SPAG16: variants seen among roughly 807,000 people sequenced by gnomAD.
SPAG16 encodes sperm-associated antigen 16 protein.
Under a neutral mutation model 80.4 loss-of-function variants are expected in SPAG16, and 86 were observed. That is an observed-to-expected ratio of 1.07 (90% CI 0.90 to 1.28). The LOEUF is 1.28. SPAG16 is among the 50% of genes most tolerant of loss of function. The pLI is 0.00. For missense variants in SPAG16, 870 were observed against 765.3 expected (o/e 1.14, Z -1.61); for synonymous variants, 294 against 265.9 (o/e 1.11, Z -1.03).
At chr2:213,727,192 C>A (rs1243860130) in intron 10 of SPAG16, among the ~76,000 whole-genome samples, 3 of 152,110 alleles carry the variant, frequency 2.0e-5, no homozygotes, top group African/African-American at 7.2e-5. Flanking sequence ...GTTTTCTAGA[C>A]AATTGCCTTT....
intron 5 of SPAG16, among the ~76,000 whole-genome samples, chr2:213,333,791 A>G (rs1031237571): frequency 1.3e-5 from 2 of 152,154 alleles, no homozygotes; most frequent in Admixed American, 6.6e-5. Context: ...GGAAAACTGG[A>G]TATCTATATG....
intron 15 of SPAG16, among the ~76,000 whole-genome samples, chr2:214,186,870 C>G (rs1222610241): frequency 6.6e-6 from 1 of 152,086 alleles, no homozygotes. Flanking sequence ...AGCAATTGTC[C>G]TGCCTCAGCC....
At chr2:213,950,252 T>C (rs1477169402) in intron 12 of SPAG16, among the ~76,000 whole-genome samples, 1 of 152,212 alleles carries the variant, frequency 6.6e-6, no homozygotes, top group Non-Finnish European at 1.5e-5. Flanking sequence ...CAGCAGTCTT[T>C]GCAAATGTAT....
intron 9 of SPAG16, among the ~76,000 whole-genome samples, chr2:213,392,006 G>A (rs2067778449): frequency 6.6e-6 from 1 of 152,124 alleles, no homozygotes; most frequent in Admixed American, 6.5e-5. Flanking sequence ...AGTTTCTTTA[G>A]GGCTATTCTA....
intron 5 of SPAG16, among the ~76,000 whole-genome samples, chr2:213,318,439 G>T (rs571430431): frequency 1.3e-5 from 2 of 152,000 alleles, no homozygotes; most frequent in East Asian, 3.9e-4. Context: ...TTATAAGTAG[G>T]AGCTAAGCAA....
At chr2:213,318,030 CATGTAT>C (rs1336978704) in intron 5 of SPAG16, 1 of 152,026 alleles carries the variant, frequency 6.6e-6, no homozygotes, top group African/African-American at 2.4e-5. Flanking sequence ...TCCCACCAAC[CATGTAT>C]GAGTGTTCTC....
At chr2:214,146,053 C>G (rs1254721018) in intron 14 of SPAG16, among the ~76,000 whole-genome samples, 2 of 152,166 alleles carry the variant, frequency 1.3e-5, no homozygotes, top group African/African-American at 4.8e-5. Context: ...GATTTCCAAA[C>G]CTCTTGAGTC....
At position 213,664,452 on chromosome 2, in the gene SPAG16, A is replaced by T. The variant is rs559631565; in HGVS notation, c.1070+174362A>T. Among the ~76,000 whole-genome samples, 4 of 152,240 alleles carry T rather than the reference A, an allele frequency of 2.6e-5. No homozygotes were observed. The East Asian group carries it at 7.7e-4, about 29-fold the overall frequency. On this transcript the variant is annotated intron_variant, in intron 10 of 15. Coordinates refer to ENST00000331683, the MANE Select transcript of SPAG16 (RefSeq NM_024532.5). ...GGGCGTTATTAATAATTATTTCAGG[A>T]TAACAGAGGTAAAGAGGAGCTCTTC...
At chr2:214,382,952 C>G (rs1700534450) in intron 15 of SPAG16, among the ~76,000 whole-genome samples, 1 of 152,060 alleles carries the variant, frequency 6.6e-6, no homozygotes, top group Non-Finnish European at 1.5e-5. Flanking sequence ...TATCCCCATG[C>G]CTGTACCTTT....
At chr2:213,403,146 T>C (rs908225540) in intron 9 of SPAG16, among the ~76,000 whole-genome samples, 6 of 152,178 alleles carry the variant, frequency 3.9e-5, no homozygotes, top group African/African-American at 1.4e-4. Context: ...GGTATCTCAT[T>C]GTGGTTTTGA....
Position 213,980,725 on chromosome 2 carries a change from T to TATATATAG in SPAG16, c.1401-33225_1401-33224insTATATAGA, listed in dbSNP as rs374274176. On this transcript the variant is annotated intron_variant, in intron 12 of 15. Coordinates refer to ENST00000331683, the MANE Select transcript of SPAG16 (RefSeq NM_024532.5). ...GTGTGTGTGTGTGTATATATATATA[T>TATATATAG]AGAGAGAGAGAGAGAGAGAGAGAGA... Among the ~76,000 whole-genome samples, 932 of 103,968 alleles carry TATATATAG rather than the reference T, an allele frequency of 9.0e-3. 27 individuals are homozygous for TATATATAG. Among genetic ancestry groups the TATATATAG allele is most frequent in the South Asian group, 0.055 (148 of 2,684 alleles). The allele number at this position is 103,968 out of a possible 152,430, so 68.2% of individuals were successfully genotyped here.
At position 213,855,267 on chromosome 2, in the gene SPAG16, G is replaced by C. The variant is rs1214238849; in HGVS notation, c.1071-7218G>C. Among the ~76,000 whole-genome samples, 7 of 152,172 alleles carry C rather than the reference G, an allele frequency of 4.6e-5. 1 individual carries two copies. The South Asian group carries it at 1.2e-3, about 27-fold the overall frequency. ...ACATAAAACAACATTCTCTGCTCTT[G>C]CTTTCATCTAAAAAAGGAAAAGTCA... is the stretch of plus-strand genomic sequence containing the variant. On this transcript the variant is annotated intron_variant, in intron 10 of 15. Coordinates refer to ENST00000331683, the MANE Select transcript of SPAG16 (RefSeq NM_024532.5).
chr2:214,017,911 G>C (rs1220371251), intron 13 of SPAG16, among the ~76,000 whole-genome samples: 1 of 151,756 alleles, frequency 6.6e-6, no homozygotes, highest in African/African-American at 2.4e-5. Context: ...CTAGAAAAAA[G>C]GCTCTAAAAT....
intron 14 of SPAG16, among the ~76,000 whole-genome samples, chr2:214,109,105 G>A (rs1576231528): frequency 6.6e-6 from 1 of 152,122 alleles, no homozygotes; most frequent in East Asian, 1.9e-4. Flanking sequence ...CTTCTGTTAT[G>A]GGATGACACA....
chr2:214,406,456 C>T (rs1214101860), intron 15 of SPAG16, among the ~76,000 whole-genome samples: 1 of 152,044 alleles, frequency 6.6e-6, no homozygotes, highest in Non-Finnish European at 1.5e-5. Context: ...TTAATTCATT[C>T]TGTAAACTTC....
intron 10 of SPAG16, among the ~76,000 whole-genome samples, chr2:213,641,372 A>T (rs941119921): frequency 6.6e-6 from 1 of 152,218 alleles, no homozygotes; most frequent in Non-Finnish European, 1.5e-5. Context: ...GAAAGAAAGC[A>T]GGGCTTTTAG....
intron 11 of SPAG16, among the ~76,000 whole-genome samples, chr2:213,899,858 G>T (rs1195703658): frequency 6.6e-6 from 1 of 152,006 alleles, no homozygotes; most frequent in Admixed American, 6.6e-5. Context: ...GTTATCTAGA[G>T]AATAATTATT....
At chr2:213,870,164 G>A (rs1433633004) in intron 11 of SPAG16, among the ~76,000 whole-genome samples, 1 of 152,084 alleles carries the variant, frequency 6.6e-6, no homozygotes, top group Admixed American at 6.6e-5. Context: ...TTCAGCTGTT[G>A]CACATTGAAG....
At chr2:214,278,670 G>T (rs1692662762) in intron 15 of SPAG16, among the ~76,000 whole-genome samples, 1 of 152,142 alleles carries the variant, frequency 6.6e-6, no homozygotes, top group South Asian at 2.1e-4. Flanking sequence ...GGAAATATGA[G>T]GGGCAAATTT....
Sources: gnomAD v4.1 joint callset for allele counts (sites outside exome capture counted in the v4.1 genomes callset) on GRCh38, gnomAD v4.1.1 for gene constraint, MANE v1.5 for transcripts, NCBI Gene and HGNC (gene_info 2026-07-23, HGNC 2026-07-21) for gene names.